PLEKHG4B: variants seen among roughly 807,000 people sequenced by gnomAD.
PLEKHG4B encodes the protein pleckstrin homology domain-containing family G member 4B.
A neutral mutation model predicts 121.3 loss-of-function variants in PLEKHG4B; 111 were observed. The ratio of observed to expected loss-of-function variants is 0.92; its 90% confidence interval spans 0.78 to 1.07. PLEKHG4B has a LOEUF of 1.07. Among genes scored for constraint, PLEKHG4B ranks in the 50% least tolerant of loss-of-function variants. PLEKHG4B has a pLI of 0.00. For synonymous variants in PLEKHG4B, 738 were observed against 725.0 expected (o/e 1.02, Z -0.29); for missense variants, 1,831 against 1,757.8 (o/e 1.04, Z -0.74).
intron 6 of PLEKHG4B, among the ~76,000 whole-genome samples, chr5:147,120 T>A (rs1735446032): frequency 1.3e-5 from 2 of 152,148 alleles, no homozygotes; most frequent in Admixed American, 1.3e-4. Flanking sequence ...GGTGACTCCC[T>A]GAGGTCAGGA....
chr5:119,666 C>T (rs537170809), intron 2 of PLEKHG4B, among the ~76,000 whole-genome samples: 15 of 152,246 alleles, frequency 9.9e-5, no homozygotes, highest in African/African-American at 3.1e-4. Flanking sequence ...GAGACAGTGC[C>T]GTCCTAAATG....
intron 8 of PLEKHG4B, among the ~76,000 whole-genome samples, 162 bp downstream of exon 8, chr5:155,153 ATCTGAG>A (rs1164204353): frequency 2.0e-5 from 3 of 152,186 alleles, no homozygotes; most frequent in African/African-American, 7.2e-5. Context: ...GCCGTGGTGC[ATCTGAG>A]AATGCCGAGC....
intron 18 of PLEKHG4B, among the ~76,000 whole-genome samples, chr5:175,468 G>A (rs1020729500): frequency 1.3e-5 from 2 of 152,218 alleles, no homozygotes; most frequent in African/African-American, 4.8e-5. Context: ...CACCTCACGA[G>A]TAGCCAAAGC....
intron 2 of PLEKHG4B, among the ~76,000 whole-genome samples, chr5:128,685 T>C (rs1379471218): frequency 6.6e-6 from 1 of 152,204 alleles, no homozygotes; most frequent in African/African-American, 2.4e-5. Flanking sequence ...AAAATAGTTA[T>C]GGCAGACAGA....
rs1198418717 is a variant in PLEKHG4B at position 188,370 on chromosome 5, A to C, written c.*6047A>C. On this transcript the variant is annotated 3_prime_UTR_variant, in exon 20 of 20. Transcript: ENST00000637938. ...TGCAGGGAGATGCTGACCCACCCTGAGACCCAGGAGAAGAAAACGGCCAGG... is the reference window on the plus strand; with the variant it reads ...TGCAGGGAGATGCTGACCCACCCTGCGACCCAGGAGAAGAAAACGGCCAGG... The C allele has an allele frequency of 6.6e-6, 1 of 152,216 alleles. No individual in the cohort carries two copies. The highest frequency in any genetic ancestry group is 1.5e-5 in the Non-Finnish European group (1 of 68,056). 9.4% of individuals were successfully genotyped at this position (152,216 alleles called of 1,614,324 possible).
intron 6 of PLEKHG4B, among the ~76,000 whole-genome samples, chr5:146,520 G>C (rs1735421293): frequency 8.3e-6 from 1 of 121,000 alleles, no homozygotes; most frequent in African/African-American, 3.3e-5. Flanking sequence ...TCCCCACTGT[G>C]GCCCTCCTTC....
At chr5:141,711 A>ATTT (rs34273619) in intron 3 of PLEKHG4B, among the ~76,000 whole-genome samples, 1,495 of 127,512 alleles carry the variant, frequency 0.012, 45 homozygotes, top group African/African-American at 0.042. Context: ...TAAATATTTC[A>ATTT]TTTTTTTTTT....
intron 16 of PLEKHG4B, among the ~76,000 whole-genome samples, chr5:171,905 C>T (rs560368798): frequency 6.4e-4 from 97 of 152,344 alleles, no homozygotes; most frequent in Admixed American, 2.4e-3. Context: ...TGCCCGCGAC[C>T]GGCTGCATGG....
At chr5:122,990 T>TA (rs755536487) in intron 2 of PLEKHG4B, among the ~76,000 whole-genome samples, 2 of 152,146 alleles carry the variant, frequency 1.3e-5, no homozygotes, top group African/African-American at 4.8e-5. Context: ...CAGCAATTCA[T>TA]AGAACAATTG....
intron 18 of PLEKHG4B, among the ~76,000 whole-genome samples, chr5:175,328 C>T (rs1242533715): frequency 6.6e-6 from 1 of 151,874 alleles, no homozygotes; most frequent in African/African-American, 2.4e-5. Flanking sequence ...CCCCCACCGA[C>T]TTCTTCACTG....
chr5:170,728 C>T (rs1007375605), intron 14 of PLEKHG4B, among the ~76,000 whole-genome samples: 2 of 152,310 alleles, frequency 1.3e-5, no homozygotes, highest in South Asian at 2.1e-4. Flanking sequence ...ATGCCCCCCA[C>T]GCCCTCCCAG....
intron 1 of PLEKHG4B, among the ~76,000 whole-genome samples, chr5:108,497 C>T (rs975879983): frequency 5.9e-5 from 8 of 134,564 alleles, no homozygotes; most frequent in Admixed American, 7.2e-5. Flanking sequence ...TGTAGACAGA[C>T]GGTGCAGATG....
chr5:158,981 C>A (rs978399180), intron 11 of PLEKHG4B, among the ~76,000 whole-genome samples: 3 of 152,178 alleles, frequency 2.0e-5, no homozygotes, highest in African/African-American at 7.2e-5. Context: ...CCTTCATGGC[C>A]AGCAGTCACT....
intron 2 of PLEKHG4B, among the ~76,000 whole-genome samples, chr5:134,611 C>A (rs1374290304): frequency 6.6e-6 from 1 of 151,418 alleles, no homozygotes; most frequent in Non-Finnish European, 1.5e-5. Flanking sequence ...ACTAAAAATA[C>A]AAAAATTAGC....
At chr5:142,711 C>T (rs796398445) in intron 3 of PLEKHG4B, among the ~76,000 whole-genome samples, 8 of 152,312 alleles carry the variant, frequency 5.3e-5, no homozygotes, top group South Asian at 4.1e-4. Flanking sequence ...CACATGCACG[C>T]GCAGTCACAC....
chr5:109,915 C>A (rs1393121197), intron 1 of PLEKHG4B, among the ~76,000 whole-genome samples: 1 of 152,186 alleles, frequency 6.6e-6, no homozygotes, highest in Non-Finnish European at 1.5e-5. Context: ...ATGCACACAT[C>A]CACACAATCA....
chr5:124,599 T>C (rs1480280771), intron 2 of PLEKHG4B, among the ~76,000 whole-genome samples: 3 of 152,384 alleles, frequency 2.0e-5, no homozygotes, highest in Middle Eastern at 3.4e-3. Flanking sequence ...ATAATTGTTA[T>C]ATCTTCTTGC....
chr5:119,515 A>G lies in PLEKHG4B; in HGVS notation c.243+6067A>G, dbSNP rs568799094. 6.6e-5 allele frequency among the ~76,000 whole-genome samples: 10 copies of G among 152,354 alleles called. No homozygotes were observed. The East Asian group carries it at 1.9e-3, about 29-fold the overall frequency. On this transcript the variant is annotated intron_variant, in intron 2 of 19. Transcript: ENST00000637938. Reference sequence around the variant, plus strand: ...TTAGAGCCAAAGAACAGATGTGTCCAGTTACAATGTGGAGGAACATGAAGA... The same window carrying G: ...TTAGAGCCAAAGAACAGATGTGTCCGGTTACAATGTGGAGGAACATGAAGA...
chr5:117,515 A>T (rs1734339765), intron 2 of PLEKHG4B, among the ~76,000 whole-genome samples: 1 of 152,184 alleles, frequency 6.6e-6, no homozygotes, highest in Admixed American at 6.5e-5. Flanking sequence ...CAATTTGAGA[A>T]ATGTGATGGA....
Sources: allele counts gnomAD v4.1 joint callset (sites outside exome capture counted in the v4.1 genomes callset), GRCh38; gene constraint gnomAD v4.1.1; transcripts MANE v1.5; gene names NCBI Gene and HGNC (gene_info 2026-07-23, HGNC 2026-07-21).